SCFD2: variants seen among roughly 807,000 people sequenced by gnomAD.
SCFD2 encodes sec1 family domain-containing protein 2.
In SCFD2, 54 loss-of-function variants were observed where a neutral mutation model predicts 58.9. The ratio of observed to expected loss-of-function variants is 0.92; its 90% confidence interval spans 0.74 to 1.15. SCFD2 has a LOEUF of 1.15. Ranked by LOEUF, SCFD2 falls within the 50% of genes most tolerant of loss-of-function variation. The probability of loss-of-function intolerance (pLI) is 0.00; values close to 1 mark genes in which losing one functional copy is unlikely to be tolerated. For missense variants in SCFD2, 805 were observed against 836.6 expected (o/e 0.96, Z 0.47); for synonymous variants, 321 against 335.9 (o/e 0.96, Z 0.49).
chr4:53,165,175 T>C (rs1726969671), intron 4 of SCFD2, among the ~76,000 whole-genome samples: 1 of 152,208 alleles, frequency 6.6e-6, no homozygotes, highest in Non-Finnish European at 1.5e-5. Context: ...GAAAACAGGA[T>C]GAAGATACTT....
chr4:53,045,625 T>C (rs1010289964), intron 5 of SCFD2, among the ~76,000 whole-genome samples: 2 of 152,174 alleles, frequency 1.3e-5, no homozygotes, highest in African/African-American at 4.8e-5. Context: ...GCATCTTACA[T>C]ATCTGAGTAT....
At chr4:53,036,481 G>A (rs1488500629) in intron 5 of SCFD2, among the ~76,000 whole-genome samples, 1 of 151,202 alleles carries the variant, frequency 6.6e-6, no homozygotes, top group Non-Finnish European at 1.5e-5. Context: ...AAGAAAATGT[G>A]GCACAAATAC....
chr4:53,222,937 T>C (rs1416357018), intron 4 of SCFD2, among the ~76,000 whole-genome samples: 1 of 152,138 alleles, frequency 6.6e-6, no homozygotes, highest in Non-Finnish European at 1.5e-5. Flanking sequence ...CTGTAGTCCC[T>C]CCAAGGAAGT....
chr4:53,273,792 A>G, intron 4 of SCFD2, 34 bp downstream of exon 4: 2 of 1,561,056 alleles, frequency 1.3e-6, no homozygotes, highest in Non-Finnish European at 1.7e-6. Context: ...AACATTAATT[A>G]TTAAGATCCC....
At chr4:53,226,407 T>A (rs1211987264) in intron 4 of SCFD2, among the ~76,000 whole-genome samples, 1 of 152,086 alleles carries the variant, frequency 6.6e-6, no homozygotes, top group Non-Finnish European at 1.5e-5. Flanking sequence ...TGATATATAT[T>A]GATATATAAT....
intron 5 of SCFD2, among the ~76,000 whole-genome samples, chr4:53,082,950 AATCC>A (rs1459256786): frequency 1.5e-5 from 2 of 136,182 alleles, no homozygotes. Flanking sequence ...CACATAAGCC[AATCC>A]ATTATAATAA....
At chr4:53,340,755 G>A (rs1190918292) in intron 2 of SCFD2, among the ~76,000 whole-genome samples, 1 of 152,176 alleles carries the variant, frequency 6.6e-6, no homozygotes, top group Admixed American at 6.5e-5. Flanking sequence ...GCCTCTCTGA[G>A]ACGAAGCTTC....
intron 2 of SCFD2, among the ~76,000 whole-genome samples, chr4:53,342,716 C>T (rs1482969252): frequency 1.3e-5 from 2 of 152,152 alleles, no homozygotes; most frequent in Non-Finnish European, 2.9e-5. Context: ...AAGTAAAGCA[C>T]TCCTCAGCAA....
At chr4:52,880,489 C>T (rs1275939458) in intron 8 of SCFD2, among the ~76,000 whole-genome samples, 1 of 151,074 alleles carries the variant, frequency 6.6e-6, no homozygotes, top group Non-Finnish European at 1.5e-5. Context: ...TGGTGGTGGG[C>T]GCCTGTAATC....
intron 4 of SCFD2, among the ~76,000 whole-genome samples, chr4:53,230,922 T>C (rs775576762): frequency 2.6e-5 from 4 of 152,058 alleles, no homozygotes; most frequent in Non-Finnish European, 4.4e-5. Flanking sequence ...CAAACCAATA[T>C]GTACACTGTA....
chr4:53,266,384 A>T (rs1478913945), intron 4 of SCFD2, among the ~76,000 whole-genome samples: 1 of 152,186 alleles, frequency 6.6e-6, no homozygotes, highest in Non-Finnish European at 1.5e-5. Context: ...TGACAATAAC[A>T]CTATGAGGTA....
intron 5 of SCFD2, among the ~76,000 whole-genome samples, chr4:53,116,862 C>T (rs916032129): frequency 6.6e-6 from 1 of 152,152 alleles, no homozygotes; most frequent in Non-Finnish European, 1.5e-5. Context: ...TTAACATATC[C>T]TTTGGATGCC....
intron 8 of SCFD2, among the ~76,000 whole-genome samples, chr4:52,877,567 T>A (rs1319852353): frequency 6.6e-6 from 1 of 152,220 alleles, no homozygotes; most frequent in African/African-American, 2.4e-5. Context: ...CCACCCCACA[T>A]GATTATGTGA....
intron 3 of SCFD2, among the ~76,000 whole-genome samples, chr4:53,311,061 T>G (rs1348147674): frequency 2.6e-5 from 4 of 152,168 alleles, no homozygotes; most frequent in African/African-American, 9.7e-5. Flanking sequence ...AATCAATGTT[T>G]TATTATGTTT....
intron 4 of SCFD2, among the ~76,000 whole-genome samples, chr4:53,167,400 T>A (rs1276054271): frequency 1.3e-5 from 2 of 152,236 alleles, no homozygotes; most frequent in African/African-American, 4.8e-5. Context: ...TTGAAGGTTA[T>A]AATCTTGTGG....
chr4:52,874,470 C>G (rs1225876225), intron 8 of SCFD2, among the ~76,000 whole-genome samples: 1 of 152,228 alleles, frequency 6.6e-6, no homozygotes, highest in Non-Finnish European at 1.5e-5. Context: ...GGAGCCTTTG[C>G]TCCTCCAGGG....
intron 5 of SCFD2, among the ~76,000 whole-genome samples, chr4:53,061,019 A>G (rs1723494262): frequency 4.6e-5 from 7 of 152,182 alleles, no homozygotes; most frequent in Admixed American, 4.6e-4. Flanking sequence ...ATTTTTGTTA[A>G]AAGTATTAAC....
chr4:53,279,913 A>C (rs1731453410), intron 3 of SCFD2, among the ~76,000 whole-genome samples: 1 of 152,186 alleles, frequency 6.6e-6, no homozygotes, highest in African/African-American at 2.4e-5. Flanking sequence ...GCATCAGGGA[A>C]ACTGCCCCCA....
chr4:53,184,114 T>C (rs1297318373), intron 4 of SCFD2, among the ~76,000 whole-genome samples: 1 of 152,174 alleles, frequency 6.6e-6, no homozygotes, highest in African/African-American at 2.4e-5. Flanking sequence ...CTATAACTAG[T>C]GGTAAAGGCC....
Sources: allele counts gnomAD v4.1 joint callset (sites outside exome capture counted in the v4.1 genomes callset), GRCh38; gene constraint gnomAD v4.1.1; transcripts MANE v1.5; gene names NCBI Gene and HGNC (gene_info 2026-07-23, HGNC 2026-07-21).